RSF1: variants seen among roughly 807,000 people sequenced by gnomAD.
The protein encoded by RSF1 is HBV pX-associated protein 8.
RSF1 carries 13 observed loss-of-function variants against 145.2 expected under a neutral mutation model. That is an observed-to-expected ratio of 0.09 (90% CI 0.06 to 0.14). The LOEUF (loss-of-function observed/expected upper bound fraction) is 0.14. Among genes scored for constraint, RSF1 ranks in the 10% least tolerant of loss-of-function variants. The pLI is 1.00. For missense variants in RSF1, 1,517 were observed against 1,718.2 expected, an observed-to-expected ratio of 0.88 and a Z score of 2.07; for synonymous variants, 577 against 592.6, an observed-to-expected ratio of 0.97 and a Z score of 0.38.
chr11:77,757,145 A>G (rs966240659), intron 2 of RSF1, among the ~76,000 whole-genome samples: 5 of 152,198 alleles, frequency 3.3e-5, no homozygotes, highest in Non-Finnish European at 2.9e-5. Context: ...AAAGAAAAAA[A>G]CTATGTTTTT....
upstream of RSF1, among the ~76,000 whole-genome samples, chr11:77,823,945 GTTTTC>G (rs1209778194): frequency 5.3e-5 from 8 of 151,496 alleles, no homozygotes; most frequent in East Asian, 1.4e-3. Flanking sequence ...TATTACTATA[GTTTTC>G]TTTTCTCACT....
chr11:77,681,101 G>A (rs150429023), intron 11 of RSF1, among the ~76,000 whole-genome samples: 54 of 152,188 alleles, frequency 3.5e-4, no homozygotes, highest in African/African-American at 1.3e-3. Flanking sequence ...CAACTAAACA[G>A]CCTTGATTTA....
the RSF1 span, among the ~76,000 whole-genome samples, chr11:77,870,756 A>G: frequency 1.3e-5 from 2 of 152,360 alleles, no homozygotes; most frequent in Non-Finnish European, 2.9e-5. Context: ...CATTTGATGT[A>G]TATTTCTCCA....
the RSF1 span, among the ~76,000 whole-genome samples, chr11:77,845,295 C>A: frequency 6.6e-6 from 1 of 151,874 alleles, no homozygotes; most frequent in Non-Finnish European, 1.5e-5. Flanking sequence ...CATTTTTTTT[C>A]TTTCCTTTGT....
At chr11:77,754,279 C>G (rs749478208) in intron 2 of RSF1, among the ~76,000 whole-genome samples, 6 of 152,068 alleles carry the variant, frequency 3.9e-5, no homozygotes, top group South Asian at 2.1e-4. Flanking sequence ...TACTCTGGAT[C>G]GGGTGCTTAC....
At chr11:77,761,173 T>C (rs1359417960) in intron 2 of RSF1, among the ~76,000 whole-genome samples, 2 of 152,132 alleles carry the variant, frequency 1.3e-5, no homozygotes, top group African/African-American at 4.8e-5. Context: ...TCTCCTGACC[T>C]TGTGATCCGC....
At chr11:77,788,521 C>T (rs1360595254) in intron 1 of RSF1, among the ~76,000 whole-genome samples, 2 of 140,946 alleles carry the variant, frequency 1.4e-5, no homozygotes, top group Non-Finnish European at 3.1e-5. Context: ...AAAAGACTAG[C>T]GAACTTAAAA....
At chr11:77,737,052 C>A (rs1961370413) in intron 4 of RSF1, among the ~76,000 whole-genome samples, 1 of 152,132 alleles carries the variant, frequency 6.6e-6, no homozygotes, top group Non-Finnish European at 1.5e-5. Context: ...GGCAATGTTC[C>A]CTGGCTCATT....
chr11:77,842,444 A>C, the RSF1 span: 5 of 1,592,552 alleles, frequency 3.1e-6, no homozygotes, highest in Non-Finnish European at 3.4e-6. Context: ...GCCTTACTTT[A>C]TAACTGATTT....
chr11:77,758,112 G>A (rs1483254580), intron 2 of RSF1, among the ~76,000 whole-genome samples: 1 of 151,080 alleles, frequency 6.6e-6, no homozygotes, highest in Non-Finnish European at 1.5e-5. Context: ...CTCTAGACTG[G>A]GCGACAGAGG....
At chr11:77,707,406 G>C (rs962669626) in intron 5 of RSF1, among the ~76,000 whole-genome samples, 1 of 152,080 alleles carries the variant, frequency 6.6e-6, no homozygotes, top group African/African-American at 2.4e-5. Flanking sequence ...AGTGAGATTT[G>C]GGCAAGGACA....
chr11:77,793,432 C>G (rs1292357407), intron 1 of RSF1, among the ~76,000 whole-genome samples: 1 of 152,046 alleles, frequency 6.6e-6, no homozygotes, highest in Non-Finnish European at 1.5e-5. Context: ...TGCAGTAAGC[C>G]GTGATCATGC....
intron 15 of RSF1, among the ~76,000 whole-genome samples, chr11:77,669,234 C>T (rs1402167536): frequency 5.9e-5 from 9 of 152,162 alleles, no homozygotes. Context: ...CCCAGTTCCA[C>T]CCTCCATCAT....
intron 1 of RSF1, among the ~76,000 whole-genome samples, chr11:77,766,480 T>A: frequency 6.6e-6 from 1 of 152,164 alleles, no homozygotes; most frequent in South Asian, 2.1e-4. Flanking sequence ...CTTGAGTGAA[T>A]CTTCATAGCA....
At chr11:77,809,166 T>C (rs994813715) in intron 1 of RSF1, among the ~76,000 whole-genome samples, 4 of 152,234 alleles carry the variant, frequency 2.6e-5, no homozygotes, top group Non-Finnish European at 5.9e-5. Flanking sequence ...ACTTTACCTT[T>C]CTAAATAGTT....
intron 1 of RSF1, among the ~76,000 whole-genome samples, chr11:77,807,393 T>C (rs1167102053): frequency 6.6e-6 from 1 of 152,212 alleles, no homozygotes; most frequent in Admixed American, 6.5e-5. Flanking sequence ...TTATACTTTG[T>C]ATTATAACTG....
At chr11:77,702,713 T>C in intron 5 of RSF1, 1 of 361,086 alleles carries the variant, frequency 2.8e-6, no homozygotes, top group Non-Finnish European at 4.9e-6. Context: ...TTAGAAAAAT[T>C]TAGGTTTCTG....
upstream of RSF1, chr11:77,820,993 C>A: frequency 7.0e-6 from 3 of 428,940 alleles, no homozygotes; most frequent in Admixed American, 8.3e-5. Context: ...GCCACTGCCT[C>A]GTGTGACAGG....
chr11:77,734,152 A>C (rs1961277868), intron 4 of RSF1, among the ~76,000 whole-genome samples: 4 of 152,206 alleles, frequency 2.6e-5, no homozygotes, highest in South Asian at 2.1e-4. Flanking sequence ...TCAAATGTTA[A>C]CAATTTCATA....
Sources: gnomAD v4.1 joint callset for allele counts (sites outside exome capture counted in the v4.1 genomes callset) on GRCh38, gnomAD v4.1.1 for gene constraint, MANE v1.5 for transcripts, NCBI Gene and HGNC (gene_info 2026-07-23, HGNC 2026-07-21) for gene names.